The following ADK variants were observed in gnomAD, a reference collection of about 807,000 sequenced individuals.
ADK encodes the protein N6,N6-dimethyladenosine kinase.
In ADK, 24 loss-of-function variants were observed where a neutral mutation model predicts 44.7. That is an observed-to-expected ratio of 0.54 (90% CI 0.39 to 0.76). The LOEUF (loss-of-function observed/expected upper bound fraction) is 0.76, where lower values mean the gene tolerates loss of function less well. ADK is among the 30% of genes least tolerant of loss of function. The pLI is 0.00. For synonymous variants in ADK, 128 were observed against 142.6 expected (o/e 0.90, Z 0.73); for missense variants, 321 against 425.1 (o/e 0.76, Z 2.15).
intron 4 of ADK, among the ~76,000 whole-genome samples, chr10:74,384,225 G>T (rs1337269207): frequency 6.6e-6 from 1 of 152,008 alleles, no homozygotes; most frequent in African/African-American, 2.4e-5. Context: ...TTATTTAATT[G>T]CATAGAATGT....
rs551695322 is a variant in ADK at position 74,356,980 on chromosome 10, A to G, written c.274-37161A>G. ...GATTTGCTTATATTTGAGTGTAATGAGCAATCTTTCTGGGCAGAGCAGGGT... is the reference window on the plus strand; with the variant it reads ...GATTTGCTTATATTTGAGTGTAATGGGCAATCTTTCTGGGCAGAGCAGGGT... On this transcript the variant is annotated intron_variant, in intron 4 of 10. Coordinates refer to ENST00000539909, the MANE Select transcript of ADK (RefSeq NM_006721.4). Among the ~76,000 whole-genome samples, 7 of 152,276 alleles carry G rather than the reference A, an allele frequency of 4.6e-5. No homozygotes were observed. In the East Asian group the frequency reaches 1.3e-3, roughly 29 times the overall value.
chr10:74,532,940 A>AG (rs71024512), intron 7 of ADK, among the ~76,000 whole-genome samples: 2 of 150,872 alleles, frequency 1.3e-5, no homozygotes. Context: ...AAAAAAAAAA[A>AG]GCTATTAGAA....
intron 10 of ADK, among the ~76,000 whole-genome samples, chr10:74,696,000 T>C (rs972068114): frequency 1.3e-5 from 2 of 152,014 alleles, no homozygotes; most frequent in African/African-American, 4.8e-5. Context: ...TTCCCCACTA[T>C]GTTAAATAGT....
At chr10:74,182,321 T>C (rs1318219435) in intron 1 of ADK, among the ~76,000 whole-genome samples, 1 of 150,914 alleles carries the variant, frequency 6.6e-6, no homozygotes, top group Non-Finnish European at 1.5e-5. Context: ...ATTTATGGAA[T>C]ATTTTGAAGA....
At chr10:74,196,913 A>G (rs1843174212) in intron 1 of ADK, among the ~76,000 whole-genome samples, 1 of 152,170 alleles carries the variant, frequency 6.6e-6, no homozygotes, top group Non-Finnish European at 1.5e-5. Flanking sequence ...TTCATTAATG[A>G]CCTGGTTTCT....
intron 6 of ADK, among the ~76,000 whole-genome samples, chr10:74,515,172 G>T (rs1314490724): frequency 6.6e-6 from 1 of 152,170 alleles, no homozygotes; most frequent in East Asian, 1.9e-4. Flanking sequence ...TGTTGGTTTG[G>T]TGGGGTACAT....
chr10:74,445,062 A>G (rs1845548932), intron 6 of ADK, among the ~76,000 whole-genome samples: 1 of 152,058 alleles, frequency 6.6e-6, no homozygotes. Flanking sequence ...TGGGTTGTAA[A>G]TAGTTTATTC....
chr10:74,274,742 ATATATACACACACACAT>A (rs1457031729), intron 3 of ADK, among the ~76,000 whole-genome samples: 1 of 127,284 alleles, frequency 7.9e-6, no homozygotes, highest in East Asian at 2.1e-4. Context: ...GTATATATAT[ATATATACACACACACAT>A]TATATATATA....
intron 1 of ADK, among the ~76,000 whole-genome samples, chr10:74,189,517 CT>C (rs1311394013): frequency 6.6e-6 from 1 of 152,150 alleles, no homozygotes; most frequent in Non-Finnish European, 1.5e-5. Context: ...ACGGTGTATA[CT>C]GCAGTTATTG....
intron 9 of ADK, among the ~76,000 whole-genome samples, chr10:74,607,866 A>G (rs986355253): frequency 6.6e-6 from 1 of 151,358 alleles, no homozygotes; most frequent in African/African-American, 2.4e-5. Context: ...TTTCAGGTAC[A>G]CCAATCAAAT....
At chr10:74,293,572 A>C (rs1213926927) in intron 3 of ADK, among the ~76,000 whole-genome samples, 1 of 151,998 alleles carries the variant, frequency 6.6e-6, no homozygotes, top group Non-Finnish European at 1.5e-5. Context: ...TTGGGGTACT[A>C]TATAGAGCTT....
chr10:74,608,639 G>A (rs1410298083), intron 9 of ADK, among the ~76,000 whole-genome samples: 1 of 152,084 alleles, frequency 6.6e-6, no homozygotes, highest in Non-Finnish European at 1.5e-5. Flanking sequence ...GATGCCAGCT[G>A]GAGCTCTCCT....
In ADK at chr10:74,348,586, C is replaced by G. The variant is rs954826751; in HGVS notation, c.273+33841C>G. 2.7e-5 allele frequency among the ~76,000 whole-genome samples: 4 copies of G among 150,554 alleles called. No homozygotes were observed. In the South Asian group the frequency reaches 8.3e-4, roughly 31 times the overall value. On this transcript the variant is annotated intron_variant, in intron 4 of 10. Transcript: ENST00000539909. ...GGCACAAAACTGGACGGAGCAACCC[C>G]AAGACACCTAATAGTCAGATTCTCC...
At chr10:74,397,998 A>G (rs151276429) in intron 5 of ADK, among the ~76,000 whole-genome samples, 10 of 152,234 alleles carry the variant, frequency 6.6e-5, no homozygotes, top group African/African-American at 2.2e-4. Context: ...TATGGTCTAC[A>G]TTTATAAGTG....
intron 2 of ADK, among the ~76,000 whole-genome samples, chr10:74,215,420 C>T (rs961253340): frequency 2.0e-5 from 3 of 152,120 alleles, no homozygotes; most frequent in Non-Finnish European, 4.4e-5. Flanking sequence ...AAGTGATTCT[C>T]CTGCCTCAGC....
intron 1 of ADK, among the ~76,000 whole-genome samples, chr10:74,154,632 G>A (rs1033086675): frequency 3.3e-5 from 5 of 151,982 alleles, no homozygotes; most frequent in African/African-American, 9.7e-5. Context: ...CTGACATTTC[G>A]AAGTCATATA....
At chr10:74,431,644 G>A (rs1415166555) in intron 6 of ADK, among the ~76,000 whole-genome samples, 1 of 152,126 alleles carries the variant, frequency 6.6e-6, no homozygotes, top group African/African-American at 2.4e-5. Context: ...GGGAGGCTGA[G>A]GCACGATAAT....
chr10:74,176,466 T>C, intron 1 of ADK: 1 of 1,128,084 alleles, frequency 8.9e-7, no homozygotes, highest in Non-Finnish European at 1.1e-6. Context: ...GCCACGTGAC[T>C]GCTAAACCGG....
chr10:74,535,578 C>CT (rs1564778885), intron 7 of ADK, among the ~76,000 whole-genome samples: 3 of 147,754 alleles, frequency 2.0e-5, no homozygotes, highest in Non-Finnish European at 4.5e-5. Context: ...GGTTTTGACC[C>CT]TATTTTTTTT....
Sources: allele counts gnomAD v4.1 joint callset (sites outside exome capture counted in the v4.1 genomes callset), GRCh38; gene constraint gnomAD v4.1.1; transcripts MANE v1.5; gene names NCBI Gene and HGNC (gene_info 2026-07-23, HGNC 2026-07-21).